DGKD: variants seen among roughly 807,000 people sequenced by gnomAD.
The protein encoded by DGKD is diacylglycerol kinase delta.
DGKD carries 68 observed loss-of-function variants against 154.4 expected under a neutral mutation model. The ratio of observed to expected loss-of-function variants is 0.44; its 90% confidence interval spans 0.36 to 0.54. The LOEUF is 0.54. DGKD is among the 20% of genes least tolerant of loss of function. The pLI is 0.00. For synonymous variants in DGKD, 693 were observed against 638.0 expected (o/e 1.09, Z -1.30); for missense variants, 1,343 against 1,593.6 (o/e 0.84, Z 2.68).
chr2:233,357,000 G>C (rs1701557102), intron 1 of DGKD, among the ~76,000 whole-genome samples: 1 of 152,192 alleles, frequency 6.6e-6, no homozygotes, highest in Non-Finnish European at 1.5e-5. Flanking sequence ...CAGGTGATGT[G>C]AGAACTGAGA....
intron 1 of DGKD, among the ~76,000 whole-genome samples, chr2:233,363,559 T>A (rs1701885561): frequency 6.6e-6 from 1 of 152,192 alleles, no homozygotes; most frequent in Non-Finnish European, 1.5e-5. Flanking sequence ...AGCCTAAGTG[T>A]ACAGTGTTTA....
chr2:233,451,848 C>T, intron 17 of DGKD, 116 bp from the exon 18 acceptor site: 1 of 852,714 alleles, frequency 1.2e-6, no homozygotes, highest in South Asian at 1.7e-5. Flanking sequence ...ATTTTAGAAA[C>T]ATTTAATTAT....
chr2:233,444,649 T>A (rs965405285), intron 10 of DGKD, among the ~76,000 whole-genome samples: 4 of 145,866 alleles, frequency 2.7e-5, no homozygotes, highest in Admixed American at 6.9e-5. Context: ...GTTCTCTCCA[T>A]CTAGTGTGTC....
chr2:233,438,445 T>TAA lies in DGKD; in HGVS notation c.1085+76_1085+77dup. The TAA allele has an allele frequency of 1.0e-5, 13 of 1,279,726 alleles. No individual in the cohort carries two copies. The highest frequency in any genetic ancestry group is 1.2e-5 in the Non-Finnish European group (11 of 949,206). 79.3% of individuals were successfully genotyped at this position (1,279,726 alleles called of 1,614,324 possible). On this transcript the variant is annotated intron_variant, in intron 9 of 29. Coordinates refer to ENST00000264057, the MANE Select transcript of DGKD (RefSeq NM_152879.3). This position sits in a 1 kb window ranked among gnomAD's most constrained non-coding sequence, Gnocchi z 4.1. ...AATTGTGTAGATAGTGTGTGCTTGTTAAAAAAAAAAAGTTCAAAGACACAA... is the reference window on the plus strand; with the variant it reads ...AATTGTGTAGATAGTGTGTGCTTGTTAAAAAAAAAAAAAGTTCAAAGACACAA...
chr2:233,465,729 T>C (rs2063804297), intron 27 of DGKD, among the ~76,000 whole-genome samples: 1 of 152,182 alleles, frequency 6.6e-6, no homozygotes, highest in Non-Finnish European at 1.5e-5. Context: ...AGGGTATCGC[T>C]AACAGCATGA....
Position 233,468,518 on chromosome 2 carries a change from T to C in DGKD, c.3520T>C (p.Ser1174Pro), listed in dbSNP as rs749210466. Residue 1174 changes from serine to proline, a missense_variant, in exon 29 of 30, where the codon TCT becomes CCT. By Grantham distance (74) the Ser-to-Pro change is moderately conservative (BLOSUM62 -1). This residue lies in a region of DGKD where 429 missense variants were observed against 496.3 expected (regional missense o/e 0.86). Coordinates refer to ENST00000264057, the MANE Select transcript of DGKD (RefSeq NM_152879.3). ...DIFTRHDIRG[S>P]ELLHLERRDL... ...CTTCACACGGCACGACATCCGGGGCTCTGAGCTCCTGCACCTGGAGCGGAG... is the reference window on the plus strand; with the variant it reads ...CTTCACACGGCACGACATCCGGGGCCCTGAGCTCCTGCACCTGGAGCGGAG... 7 of 1,613,790 alleles carry C rather than the reference T, an allele frequency of 4.3e-6. No individual in the cohort carries two copies. The highest frequency in any genetic ancestry group is 2.2e-5 in the East Asian group (1 of 44,872).
At chr2:233,466,953 C>T (rs2063841440) in intron 27 of DGKD, 133 bp from the exon 28 acceptor site, 1 of 701,988 alleles carries the variant, frequency 1.4e-6, no homozygotes, top group Non-Finnish European at 2.6e-6. Flanking sequence ...GAAGCCCTTT[C>T]AGGCACAAGA....
At chr2:233,375,254 G>A (rs945312628) in intron 1 of DGKD, among the ~76,000 whole-genome samples, 1 of 152,044 alleles carries the variant, frequency 6.6e-6, no homozygotes, top group African/African-American at 2.4e-5. Context: ...TCGTGCCACC[G>A]CGCTCCAGCC....
At chr2:233,412,975 C>T (rs2061864273) in intron 3 of DGKD, among the ~76,000 whole-genome samples, 1 of 152,098 alleles carries the variant, frequency 6.6e-6, no homozygotes, top group Admixed American at 6.5e-5. Context: ...TTGTTGGATT[C>T]AATTTGCCAT....
At chr2:233,394,269 G>T (rs1204515844) in intron 3 of DGKD, among the ~76,000 whole-genome samples, 2 of 152,070 alleles carry the variant, frequency 1.3e-5, no homozygotes, top group East Asian at 3.9e-4. Context: ...CCTAGACAAG[G>T]TCTTGCTCTA....
At position 233,400,280 on chromosome 2, in the gene DGKD, T is replaced by A. The variant is rs532102253; in HGVS notation, c.348+9797T>A. ...CCGAAGTGGGCGTGGGTGCTCCCCA[T>A]AGCCAGGCTTTGTCTACAGGACAGC... On this transcript the variant is annotated intron_variant, in intron 3 of 29. Coordinates refer to ENST00000264057, the MANE Select transcript of DGKD (RefSeq NM_152879.3). Among the ~76,000 whole-genome samples the A allele has an allele frequency of 8.5e-5, 13 of 152,368 alleles. No homozygotes were observed. The South Asian group carries it at 2.7e-3, about 32-fold the overall frequency.
Position 233,354,803 on chromosome 2 carries a change from C to T in DGKD, c.156+129C>T, listed in dbSNP as rs191197082. On this transcript the variant is annotated intron_variant, in intron 1 of 29. Coordinates refer to ENST00000264057, the MANE Select transcript of DGKD (RefSeq NM_152879.3). The surrounding 1 kb of genome is among the most constrained non-coding windows in gnomAD (Gnocchi z 4.8). ...CCGGCCCGGGGTCCCGCGGGCGTCA[C>T]CGCCCCTGTCGAGCGTGCCCCGCCG... 138,906 of 397,200 alleles carry T rather than the reference C, an allele frequency of 0.35. 25,807 individuals are homozygous for T. Among genetic ancestry groups the T allele is most frequent in the Middle Eastern group, 0.43 (334 of 784 alleles). The allele number at this position is 397,200 out of a possible 1,614,324, so 24.6% of individuals were successfully genotyped here.
intron 27 of DGKD, among the ~76,000 whole-genome samples, chr2:233,466,339 A>G (rs1017812841): frequency 2.6e-5 from 4 of 151,850 alleles, no homozygotes; most frequent in Non-Finnish European, 4.4e-5. Context: ...TTTTTGCTTC[A>G]TGTATTTTGA....
At chr2:233,369,992 C>T (rs973987043) in intron 1 of DGKD, among the ~76,000 whole-genome samples, 1 of 152,054 alleles carries the variant, frequency 6.6e-6, no homozygotes, top group African/African-American at 2.4e-5. Context: ...TTCTTTTAAA[C>T]CTGCTATTTT....
Position 233,442,003 on chromosome 2 carries a change from G to A in DGKD, c.1194+8G>A. 6.2e-7 allele frequency: 1 copy of A among 1,613,428 alleles called. No individual in the cohort carries two copies. Among genetic ancestry groups the A allele is most frequent in the Non-Finnish European group, 8.5e-7 (1 of 1,179,320 alleles). On this transcript the variant is annotated splice_region_variant and intron_variant, in intron 10 of 29. Coordinates refer to ENST00000264057, the MANE Select transcript of DGKD (RefSeq NM_152879.3). ...CTCAACCTTCATAAACAGGTACCAG[G>A]ACAGGAGGGAGCCCAGCCAGGAGCA...
chr2:233,448,784 G>C (rs1281573307), intron 14 of DGKD, among the ~76,000 whole-genome samples: 1 of 152,192 alleles, frequency 6.6e-6, no homozygotes, highest in Non-Finnish European at 1.5e-5. Flanking sequence ...GCAAACATCT[G>C]ATTGGTTGCA....
chr2:233,449,225 G>A lies in DGKD; in HGVS notation c.1737G>A (p.Gly579=), dbSNP rs1317566293. ...CCGAGGAGGCTGAAGATGGAGATGG[G>A]TCGGGCAGCATCTGCGGTTCCACCG... ...TIAEEAEDGD[G]SGSICGSTGD... The change falls in exon 15 of 30, where the codon GGG becomes GGA. Residue 579 remains glycine (G), a synonymous_variant. Coordinates refer to ENST00000264057, the MANE Select transcript of DGKD (RefSeq NM_152879.3). This position sits in a 1 kb window ranked among gnomAD's most constrained non-coding sequence, Gnocchi z 5.3. 3 of 1,613,784 alleles carry A rather than the reference G, an allele frequency of 1.9e-6. No individual in the cohort carries two copies. The highest frequency in any genetic ancestry group is 1.3e-5 in the African/African-American group (1 of 74,954).
At chr2:233,402,883 G>A (rs1481760300) in intron 3 of DGKD, among the ~76,000 whole-genome samples, 2 of 152,226 alleles carry the variant, frequency 1.3e-5, no homozygotes, top group African/African-American at 2.4e-5. Flanking sequence ...GCCTGAGGGT[G>A]TACGGGGTAG....
rs1219943972 is a variant in DGKD, at chr2:233,447,458, C to T, written c.1420-629C>T. On this transcript the variant is annotated intron_variant, in intron 12 of 29. Coordinates refer to ENST00000264057, the MANE Select transcript of DGKD (RefSeq NM_152879.3). ...AACAAGGCCTGCAGGCCAGATGTGCCTGGGCCCACGGCCTTGCAAGCGAAG... is the reference window on the plus strand; with the variant it reads ...AACAAGGCCTGCAGGCCAGATGTGCTTGGGCCCACGGCCTTGCAAGCGAAG... 4 of 984,566 alleles carry T rather than the reference C, an allele frequency of 4.1e-6. No individual in the cohort carries two copies. In the African/African-American group the frequency reaches 7.0e-5, roughly 17 times the overall value. 61.0% of individuals were successfully genotyped at this position (984,566 alleles called of 1,614,324 possible). A position where few individuals can be genotyped will look rare whatever the true frequency, so the allele number is the denominator to read the frequency against.
Sources: allele counts gnomAD v4.1 joint callset (sites outside exome capture counted in the v4.1 genomes callset), GRCh38; gene constraint gnomAD v4.1.1; regional missense constraint gnomAD v4.1.1; non-coding constraint Gnocchi (gnomAD v3.1); transcripts MANE v1.5; gene names NCBI Gene and HGNC (gene_info 2026-07-23, HGNC 2026-07-21).